The following SGCZ variants were observed in gnomAD, a reference collection of about 807,000 sequenced individuals.
SGCZ encodes zeta-sarcoglycan.
Under a neutral mutation model 41.3 loss-of-function variants are expected in SGCZ, and 40 were observed. The ratio of observed to expected loss-of-function variants is 0.97; its 90% confidence interval spans 0.75 to 1.26. The LOEUF (loss-of-function observed/expected upper bound fraction) is 1.26, where lower values mean the gene tolerates loss of function less well. Among genes scored for constraint, SGCZ ranks in the 50% most tolerant of loss-of-function variants. SGCZ has a pLI of 0.00. For missense variants in SGCZ, 552 were observed against 369.8 expected (o/e 1.49, Z -4.04); for synonymous variants, 206 against 137.5 (o/e 1.50, Z -3.49).
chr8:14,372,671 T>A (rs1347888413), intron 2 of SGCZ, among the ~76,000 whole-genome samples: 2 of 152,098 alleles, frequency 1.3e-5, no homozygotes, highest in African/African-American at 4.8e-5. Context: ...GTGACTCCTG[T>A]AGAATTTTGG....
At chr8:14,672,109 C>T (rs759570020) in intron 1 of SGCZ, among the ~76,000 whole-genome samples, 7 of 151,978 alleles carry the variant, frequency 4.6e-5, no homozygotes, top group South Asian at 2.1e-4. Context: ...ATAAATAATG[C>T]GGGAATTTAA....
rs543277404 is a variant in SGCZ, at chr8:14,307,680, TTTTA to T, written c.336+16419_336+16422del. ...CATAAAATTTGTGATCTGTCCCATG[TTTTA>T]TTTTATTATCTGATATAAATTTTAT... On this transcript the variant is annotated intron_variant, in intron 3 of 7. Transcript: ENST00000382080. 1.4e-4 allele frequency among the ~76,000 whole-genome samples: 21 copies of T among 152,278 alleles called. No individual in the cohort carries two copies. In the East Asian group the frequency reaches 4.0e-3, roughly 29 times the overall value.
intron 1 of SGCZ, among the ~76,000 whole-genome samples, chr8:14,786,810 C>T (rs1458642631): frequency 7.6e-6 from 1 of 132,326 alleles, no homozygotes; most frequent in Non-Finnish European, 1.6e-5. Context: ...CCATGTTTTA[C>T]AAGGAGTGGA....
chr8:14,563,183 C>G (rs1270939477), intron 1 of SGCZ, among the ~76,000 whole-genome samples: 1 of 152,184 alleles, frequency 6.6e-6, no homozygotes, highest in East Asian at 1.9e-4. Context: ...CCCAAGCTTG[C>G]TCTGTGTGGA....
chr8:14,759,026 T>A (rs1479664614), intron 1 of SGCZ, among the ~76,000 whole-genome samples: 8 of 139,892 alleles, frequency 5.7e-5, no homozygotes, highest in African/African-American at 1.2e-4. Context: ...AAAAAAAAAA[T>A]TCTTTACAGT....
intron 2 of SGCZ, among the ~76,000 whole-genome samples, chr8:14,364,728 G>C (rs1211187428): frequency 6.6e-6 from 1 of 151,916 alleles, no homozygotes; most frequent in African/African-American, 2.4e-5. Context: ...TCATTGGTTT[G>C]CATAAGTTCT....
At chr8:14,388,146 G>A (rs1020398212) in intron 2 of SGCZ, among the ~76,000 whole-genome samples, 7 of 152,114 alleles carry the variant, frequency 4.6e-5, no homozygotes, top group Non-Finnish European at 1.0e-4. Flanking sequence ...TTTGGTCCTA[G>A]AGATGAAAAG....
At chr8:15,000,310 A>G (rs1301774943) in intron 1 of SGCZ, among the ~76,000 whole-genome samples, 1 of 152,184 alleles carries the variant, frequency 6.6e-6, no homozygotes, top group Non-Finnish European at 1.5e-5. Context: ...TGGCAACCCT[A>G]GCAAACTTTA....
At chr8:14,138,940 A>T (rs1005696594) in intron 5 of SGCZ, among the ~76,000 whole-genome samples, 2 of 152,210 alleles carry the variant, frequency 1.3e-5, no homozygotes, top group Non-Finnish European at 2.9e-5. Context: ...CATAGCCGAA[A>T]GTATAGCACT....
intron 3 of SGCZ, among the ~76,000 whole-genome samples, chr8:14,311,129 T>A (rs1054522752): frequency 6.6e-6 from 1 of 152,140 alleles, no homozygotes; most frequent in Non-Finnish European, 1.5e-5. Flanking sequence ...CAACCATTCC[T>A]CATAGCCCGA....
At chr8:14,158,404 A>G (rs1057269193) in intron 5 of SGCZ, among the ~76,000 whole-genome samples, 1 of 152,114 alleles carries the variant, frequency 6.6e-6, no homozygotes, top group Admixed American at 6.5e-5. Flanking sequence ...CAACCTGGCA[A>G]TGTATTCCCA....
At chr8:14,233,593 TATAG>T (rs1220697600) in intron 4 of SGCZ, among the ~76,000 whole-genome samples, 5 of 99,652 alleles carry the variant, frequency 5.0e-5, no homozygotes, top group Non-Finnish European at 1.1e-4. Context: ...CTATATAAAA[TATAG>T]ATATATATAT....
intron 1 of SGCZ, among the ~76,000 whole-genome samples, chr8:15,106,425 CTTTAATT>C (rs1806826997): frequency 6.6e-6 from 1 of 151,850 alleles, no homozygotes; most frequent in African/African-American, 2.4e-5. Flanking sequence ...CATTCATATA[CTTTAATT>C]TTAAATTTTT....
chr8:14,677,140 C>T (rs555677204), intron 1 of SGCZ, among the ~76,000 whole-genome samples: 196 of 151,754 alleles, frequency 1.3e-3, no homozygotes, highest in African/African-American at 4.4e-3. Context: ...CATTAATATA[C>T]AAAAGTCAAA....
intron 2 of SGCZ, among the ~76,000 whole-genome samples, chr8:14,461,285 T>A (rs1240911985): frequency 6.6e-6 from 1 of 152,122 alleles, no homozygotes; most frequent in East Asian, 1.9e-4. Context: ...TGAAATGGCT[T>A]CTATTCAGAA....
intron 1 of SGCZ, among the ~76,000 whole-genome samples, chr8:15,044,464 G>A (rs918511756): frequency 4.6e-5 from 7 of 151,998 alleles, no homozygotes; most frequent in African/African-American, 1.4e-4. Flanking sequence ...TTTCACTTAC[G>A]AATAGATGAA....
Position 14,650,572 on chromosome 8 carries a change from A to G in SGCZ, c.40-95646T>C, listed in dbSNP as rs544022140. On this transcript the variant is annotated intron_variant, in intron 1 of 7. Transcript: ENST00000382080. ...CTCTTTGTGTCCACGTGTCCTCATC[A>G]TTTAGCTCCCACTTATAAGTGACAG... Among the ~76,000 whole-genome samples the G allele has an allele frequency of 9.6e-4, 146 of 151,770 alleles. 1 individual carries two copies. The highest frequency in any genetic ancestry group is 3.4e-3 in the African/African-American group (140 of 41,318).
At chr8:14,656,173 C>A (rs528315447) in intron 1 of SGCZ, among the ~76,000 whole-genome samples, 2 of 152,058 alleles carry the variant, frequency 1.3e-5, no homozygotes, top group East Asian at 3.9e-4. Flanking sequence ...AGTGACTATG[C>A]CATTTTACAA....
At chr8:15,004,874 T>TCTTTAATCTAC (rs1554538004) in intron 1 of SGCZ, among the ~76,000 whole-genome samples, 4 of 13,744 alleles carry the variant, frequency 2.9e-4, no homozygotes, top group Non-Finnish European at 5.2e-4. Flanking sequence ...ACTGACGGGT[T>TCTTTAATCTAC]CTTTGTGTGC....
Sources: allele counts gnomAD v4.1 joint callset (sites outside exome capture counted in the v4.1 genomes callset), GRCh38; gene constraint gnomAD v4.1.1; transcripts MANE v1.5; gene names NCBI Gene and HGNC (gene_info 2026-07-23, HGNC 2026-07-21).